Variants in DYNC1I2 observed in about 807,000 individuals in gnomAD.
DYNC1I2 encodes dynein cytoplasmic 1 intermediate chain 2.
DYNC1I2 carries 53 observed loss-of-function variants against 88.6 expected under a neutral mutation model. That is an observed-to-expected ratio of 0.60 (90% CI 0.48 to 0.75). The LOEUF is 0.75. Ranked by LOEUF, DYNC1I2 falls within the 30% of genes least tolerant of loss-of-function variation. The pLI is 0.00. For synonymous variants in DYNC1I2, 198 were observed against 254.6 expected (o/e 0.78, Z 2.12); for missense variants, 458 against 766.6 (o/e 0.60, Z 4.75).
chr2:171,725,598 GT>G lies in DYNC1I2; in HGVS notation c.512-4del, dbSNP rs746910264. 46,686 of 879,754 alleles carry G rather than the reference GT, an allele frequency of 0.053. 88 individuals carry two copies. Among genetic ancestry groups the G allele is most frequent in the Admixed American group, 0.095 (2,441 of 25,644 alleles). 54.5% of individuals were successfully genotyped at this position (879,754 alleles called of 1,614,324 possible). A position where few individuals can be genotyped will look rare whatever the true frequency, so the allele number is the denominator to read the frequency against. ...ATTCTGTTTTTTTGTTTTTTTGTTT[GT>G]TTTTTTTTTTTTTTTCAGATGAAGA... is the stretch of plus-strand genomic sequence containing the variant. On this transcript the variant is annotated intron_variant, in intron 7 of 17. Transcript: ENST00000397119.
chr2:171,741,952 C>A (rs1390083466), intron 15 of DYNC1I2, among the ~76,000 whole-genome samples: 1 of 151,754 alleles, frequency 6.6e-6, no homozygotes, highest in African/African-American at 2.4e-5. Flanking sequence ...CATGGTGGTG[C>A]ACGCCTGTAA....
chr2:171,718,168 C>T (rs1008336174), intron 7 of DYNC1I2, among the ~76,000 whole-genome samples: 32 of 152,040 alleles, frequency 2.1e-4, no homozygotes, highest in Admixed American at 5.9e-4. Flanking sequence ...ATGTTGGCCA[C>T]GCTGGTCTCA....
At chr2:171,738,849 G>A (rs755981524) in intron 15 of DYNC1I2, among the ~76,000 whole-genome samples, 6 of 152,064 alleles carry the variant, frequency 3.9e-5, no homozygotes, top group Non-Finnish European at 5.9e-5. Context: ...CACATCCTAG[G>A]TTGAAAACCA....
chr2:171,722,376 C>G (rs911171297), intron 7 of DYNC1I2, among the ~76,000 whole-genome samples: 9 of 152,148 alleles, frequency 5.9e-5, no homozygotes, highest in Admixed American at 5.2e-4. Context: ...TTTATGCACT[C>G]TTTACTGCTC....
At position 171,687,474 on chromosome 2, in the gene DYNC1I2, C is replaced by G. The variant is rs1185767785; in HGVS notation, c.-163C>G. 1.3e-5 allele frequency: 2 copies of G among 152,166 alleles called. No individual in the cohort carries two copies. Among genetic ancestry groups the G allele is most frequent in the Non-Finnish European group, 2.9e-5 (2 of 68,060 alleles). 9.4% of individuals were successfully genotyped at this position (152,166 alleles called of 1,614,324 possible). On this transcript the variant is annotated 5_prime_UTR_variant, in exon 1 of 18. Coordinates refer to ENST00000397119, the MANE Select transcript of DYNC1I2 (RefSeq NM_001378.3). Reference sequence around the variant, plus strand: ...TGTTGCCGGGGTTTGTAGTTCTTCTCGATCGTGTCAGTTTGTAAGGCGAGG... The same window carrying G: ...TGTTGCCGGGGTTTGTAGTTCTTCTGGATCGTGTCAGTTTGTAAGGCGAGG...
rs1689951268 is a variant in DYNC1I2 at position 171,748,746 on chromosome 2, C to T, written c.*857C>T. On this transcript the variant is annotated 3_prime_UTR_variant, in exon 18 of 18. Coordinates refer to ENST00000397119, the MANE Select transcript of DYNC1I2 (RefSeq NM_001378.3). ...ATTAAGAACTATGTATGTGACCTCA[C>T]TGAGAGTAAAATCTTTGAGAGAAAT... Among the ~76,000 whole-genome samples the T allele has an allele frequency of 6.6e-6, 1 of 152,162 alleles. No individual in the cohort carries two copies. The highest frequency in any genetic ancestry group is 2.4e-5 in the African/African-American group (1 of 41,448).
chr2:171,691,613 G>A (rs1373288277), intron 2 of DYNC1I2, among the ~76,000 whole-genome samples: 6 of 152,176 alleles, frequency 3.9e-5, no homozygotes. Flanking sequence ...GAGGATTGGA[G>A]CTTTACATTA....
intron 3 of DYNC1I2, among the ~76,000 whole-genome samples, chr2:171,703,291 A>G (rs192364581): frequency 1.3e-5 from 2 of 152,310 alleles, no homozygotes; most frequent in African/African-American, 4.8e-5. Context: ...GCTGGAATAC[A>G]GTGGTGCAAC....
intron 15 of DYNC1I2, among the ~76,000 whole-genome samples, chr2:171,734,609 G>A (rs1688879415): frequency 6.6e-6 from 1 of 152,076 alleles, no homozygotes; most frequent in Non-Finnish European, 1.5e-5. Context: ...CATAGAACAT[G>A]GTGTTTTTAT....
intron 7 of DYNC1I2, among the ~76,000 whole-genome samples, chr2:171,720,138 A>T (rs150443250): frequency 6.6e-6 from 1 of 152,196 alleles, no homozygotes; most frequent in African/African-American, 2.4e-5. Context: ...CTGAGGTTCA[A>T]GGAGATTACT....
intron 7 of DYNC1I2, among the ~76,000 whole-genome samples, chr2:171,718,526 C>T (rs1020055547): frequency 4.6e-5 from 7 of 151,930 alleles, no homozygotes; most frequent in East Asian, 1.9e-4. Flanking sequence ...CTCCATCTCC[C>T]GGGTTCACAC....
At chr2:171,689,332 T>C (rs1313149224) in intron 1 of DYNC1I2, among the ~76,000 whole-genome samples, 10 of 152,246 alleles carry the variant, frequency 6.6e-5, no homozygotes, top group South Asian at 6.2e-4. Context: ...TGATAGCTAA[T>C]GATGGTAACT....
chr2:171,728,536 C>T, intron 13 of DYNC1I2, 118 bp downstream of exon 13: 1 of 802,196 alleles, frequency 1.2e-6, no homozygotes, highest in East Asian at 2.8e-5. Flanking sequence ...AGCTTATAAG[C>T]TGAAACGTGT....
At chr2:171,725,084 C>G (rs1688148762) in intron 7 of DYNC1I2, among the ~76,000 whole-genome samples, 1 of 152,156 alleles carries the variant, frequency 6.6e-6, no homozygotes, top group African/African-American at 2.4e-5. Flanking sequence ...AAATAGCAAC[C>G]TGAGAGTTAA....
chr2:171,738,446 C>T (rs1485445958), intron 15 of DYNC1I2, among the ~76,000 whole-genome samples: 1 of 152,154 alleles, frequency 6.6e-6, no homozygotes, highest in Non-Finnish European at 1.5e-5. Context: ...TATTCATTCT[C>T]TCTGCTGTAT....
At chr2:171,731,733 G>A (rs577634231) in intron 15 of DYNC1I2, among the ~76,000 whole-genome samples, 5 of 152,220 alleles carry the variant, frequency 3.3e-5, no homozygotes, top group African/African-American at 9.6e-5. Context: ...TGTGCCCTGC[G>A]ATAGAATAGC....
intron 15 of DYNC1I2, among the ~76,000 whole-genome samples, chr2:171,742,706 C>G (rs139489641): frequency 8.4e-4 from 128 of 152,330 alleles, no homozygotes; most frequent in Middle Eastern, 3.4e-3. Flanking sequence ...TGTCTCTTCT[C>G]TGGCTTTTGC....
chr2:171,718,680 G>A (rs1037453613), intron 7 of DYNC1I2, among the ~76,000 whole-genome samples: 4 of 152,052 alleles, frequency 2.6e-5, no homozygotes, highest in South Asian at 2.1e-4. Context: ...TTATCCGCCC[G>A]CCTGTGCCTC....
intron 7 of DYNC1I2, among the ~76,000 whole-genome samples, chr2:171,721,896 A>G (rs1180608989): frequency 6.6e-6 from 1 of 152,200 alleles, no homozygotes; most frequent in Admixed American, 6.5e-5. Context: ...TAAAAGTGAT[A>G]GATTCATAAG....
Sources: gnomAD v4.1 joint callset for allele counts (sites outside exome capture counted in the v4.1 genomes callset) on GRCh38, gnomAD v4.1.1 for gene constraint, MANE v1.5 for transcripts, NCBI Gene and HGNC (gene_info 2026-07-23, HGNC 2026-07-21) for gene names.